Variants in TLK1 observed in about 807,000 individuals in gnomAD.
TLK1 encodes serine/threonine-protein kinase tousled-like 1.
In TLK1, 24 loss-of-function variants were observed where a neutral mutation model predicts 105.3. The observed-to-expected ratio is 0.23, with a 90% CI of 0.17 to 0.32. TLK1 has a LOEUF of 0.32. Among genes scored for constraint, TLK1 ranks in the 10% least tolerant of loss-of-function variants. TLK1 has a pLI of 1.00. For synonymous variants in TLK1, 321 were observed against 310.4 expected, an observed-to-expected ratio of 1.03 and a Z score of -0.36; for missense variants, 558 against 910.5, an observed-to-expected ratio of 0.61 and a Z score of 4.98.
In TLK1 at chr2:171,160,244, G is replaced by T. The variant is rs1033518506; in HGVS notation, c.139+46C>A. On this transcript the variant is annotated intron_variant, in intron 1 of 20. Coordinates refer to ENST00000431350, the MANE Select transcript of TLK1 (RefSeq NM_012290.5). This position sits in a 1 kb window ranked among gnomAD's most constrained non-coding sequence, Gnocchi z 4.4. ...GGGGGGGGGCGCGGGGGTCCGCGGCGCGGGAGAGGAGGCCCGCGAGCGGGC... is the reference window on the plus strand; with the variant it reads ...GGGGGGGGGCGCGGGGGTCCGCGGCTCGGGAGAGGAGGCCCGCGAGCGGGC... 6 of 1,381,454 alleles carry T rather than the reference G, an allele frequency of 4.3e-6. No homozygotes were observed. The highest frequency in any genetic ancestry group is 5.6e-6 in the Non-Finnish European group (6 of 1,069,390). 85.6% of individuals were successfully genotyped at this position (1,381,454 alleles called of 1,614,324 possible).
At chr2:170,995,085 C>A (rs1349262382) in intron 20 of TLK1, among the ~76,000 whole-genome samples, 1 of 152,078 alleles carries the variant, frequency 6.6e-6, no homozygotes, top group Admixed American at 6.6e-5. Flanking sequence ...GGAAGTCAAT[C>A]TGATCCCTTA....
At position 171,199,695 on chromosome 2, in the gene TLK1, G is replaced by A. The variant is rs190101422; in HGVS notation, c.-6+31450C>T. Among the ~76,000 whole-genome samples, 26 of 152,164 alleles carry A rather than the reference G, an allele frequency of 1.7e-4. No homozygotes were observed. The East Asian group carries it at 5.0e-3, about 29-fold the overall frequency. ...AGTAAATCCAGTGGTCCCTTTTGCT[G>A]GGGAAAAACTTTTCAATTATGGAGG... On this transcript the variant is annotated intron_variant, in intron 1 of 20. Transcript: ENST00000521943.
intron 20 of TLK1, 67 bp from the exon 21 acceptor site, chr2:170,994,023 A>G: frequency 1.4e-6 from 2 of 1,479,118 alleles, no homozygotes; most frequent in Non-Finnish European, 1.8e-6. Flanking sequence ...AATCAACTGA[A>G]TCAGCAGAAG....
intron 12 of TLK1, among the ~76,000 whole-genome samples, chr2:171,015,360 G>T (rs1164457022): frequency 6.8e-6 from 1 of 147,098 alleles, no homozygotes; most frequent in Non-Finnish European, 1.5e-5. Context: ...GTTAAAAGAG[G>T]AAGAAAGAAA....
chr2:171,169,247 T>C (rs1363364456), intron 1 of TLK1, among the ~76,000 whole-genome samples: 1 of 152,100 alleles, frequency 6.6e-6, no homozygotes, highest in Non-Finnish European at 1.5e-5. Flanking sequence ...ATAACGTAAA[T>C]GTACAATATT....
At chr2:171,069,411 T>C (rs1212402107) in intron 3 of TLK1, among the ~76,000 whole-genome samples, 1 of 152,192 alleles carries the variant, frequency 6.6e-6, no homozygotes, top group Non-Finnish European at 1.5e-5. Flanking sequence ...CTTTCTTTTT[T>C]CTCCTTCCAG....
At chr2:171,069,990 A>G (rs2105459303) in intron 3 of TLK1, among the ~76,000 whole-genome samples, 1 of 152,334 alleles carries the variant, frequency 6.6e-6, no homozygotes, top group East Asian at 1.9e-4. Context: ...AGCAAGTGAG[A>G]TGAGTATGCT....
At chr2:171,163,146 T>G (rs1356906954), upstream of TLK1, among the ~76,000 whole-genome samples, 1 of 152,236 alleles carries the variant, frequency 6.6e-6, no homozygotes, top group Non-Finnish European at 1.5e-5. Flanking sequence ...TCCACATTGT[T>G]GCATTATCAA....
At chr2:171,118,017 TC>T in intron 1 of TLK1, among the ~76,000 whole-genome samples, 160 bp from the exon 2 acceptor site, 1 of 152,210 alleles carries the variant, frequency 6.6e-6, no homozygotes, top group East Asian at 1.9e-4. Context: ...AATGTACACA[TC>T]AACTTATCAA....
At chr2:171,014,110 T>A (rs906282368) in intron 13 of TLK1, among the ~76,000 whole-genome samples, 1 of 152,214 alleles carries the variant, frequency 6.6e-6, no homozygotes, top group African/African-American at 2.4e-5. Context: ...TTGGTTGAAA[T>A]AATTTCTCCT....
At chr2:171,130,801 C>T (rs1028697463) in intron 1 of TLK1, among the ~76,000 whole-genome samples, 10 of 152,072 alleles carry the variant, frequency 6.6e-5, no homozygotes, top group Admixed American at 1.3e-4. Flanking sequence ...TTGAGTTATC[C>T]TGCTTGATGA....
intron 1 of TLK1, among the ~76,000 whole-genome samples, chr2:171,167,509 A>G (rs1451582495): frequency 6.6e-6 from 1 of 152,220 alleles, no homozygotes; most frequent in Non-Finnish European, 1.5e-5. Context: ...AGTTGGTTCT[A>G]TCTTCATTGC....
At chr2:171,073,258 A>T (rs1351168522) in intron 3 of TLK1, among the ~76,000 whole-genome samples, 1 of 152,210 alleles carries the variant, frequency 6.6e-6, no homozygotes, top group Admixed American at 6.5e-5. Context: ...ATACTGAATA[A>T]GTGGTGAAGG....
At chr2:171,005,992 C>G (rs1340119100) in intron 18 of TLK1, among the ~76,000 whole-genome samples, 155 bp downstream of exon 18, 1 of 151,874 alleles carries the variant, frequency 6.6e-6, no homozygotes, top group African/African-American at 2.4e-5. Context: ...AGAGGAATGA[C>G]CACAGAAGTC....
chr2:171,182,492 G>T (rs781497509), intron 1 of TLK1, among the ~76,000 whole-genome samples: 4 of 152,228 alleles, frequency 2.6e-5, no homozygotes, highest in Middle Eastern at 3.4e-3. Flanking sequence ...CTTCAGATAA[G>T]TCTAAACTGA....
At chr2:171,073,516 A>T (rs755200244) in intron 3 of TLK1, among the ~76,000 whole-genome samples, 9 of 152,152 alleles carry the variant, frequency 5.9e-5, no homozygotes, top group Non-Finnish European at 1.0e-4. Flanking sequence ...TCTGATATAC[A>T]TATTCTTCTA....
chr2:171,169,158 A>G (rs1692676056), intron 1 of TLK1, among the ~76,000 whole-genome samples: 1 of 152,212 alleles, frequency 6.6e-6, no homozygotes, highest in Non-Finnish European at 1.5e-5. Context: ...TAAATTAGAA[A>G]AAATGTGTCT....
At chr2:171,159,186 T>C (rs574404610) in intron 1 of TLK1, among the ~76,000 whole-genome samples, 1 of 152,314 alleles carries the variant, frequency 6.6e-6, no homozygotes, top group Admixed American at 6.5e-5. Context: ...CACTAGACGG[T>C]TGAACTTCCA....
At chr2:171,105,412 G>A (rs974609367) in intron 2 of TLK1, among the ~76,000 whole-genome samples, 5 of 152,210 alleles carry the variant, frequency 3.3e-5, no homozygotes, top group Admixed American at 1.3e-4. Context: ...TTGGCTGGGC[G>A]CAGTGGCTCA....
Sources: allele counts gnomAD v4.1 joint callset (sites outside exome capture counted in the v4.1 genomes callset), GRCh38; gene constraint gnomAD v4.1.1; non-coding constraint Gnocchi (gnomAD v3.1); transcripts MANE v1.5; gene names NCBI Gene and HGNC (gene_info 2026-07-23, HGNC 2026-07-21).